Variants in IMMP2L observed in about 807,000 individuals in gnomAD.
IMMP2L encodes inner mitochondrial membrane peptidase subunit 2, also known as mitochondrial inner membrane protease subunit 2.
A neutral mutation model predicts 19.3 loss-of-function variants in IMMP2L; 18 were observed. That is an observed-to-expected ratio of 0.93 (90% CI 0.64 to 1.38). The LOEUF (loss-of-function observed/expected upper bound fraction) is 1.38. Among genes scored for constraint, IMMP2L ranks in the 40% most tolerant of loss-of-function variants. The probability of loss-of-function intolerance (pLI) is 0.00; values close to 1 mark genes in which losing one functional copy is unlikely to be tolerated. For synonymous variants in IMMP2L, 76 were observed against 73.0 expected (o/e 1.04, Z -0.21); for missense variants, 233 against 218.2 (o/e 1.07, Z -0.43).
chr7:111,469,546 GCT>G (rs1272516322), intron 3 of IMMP2L, among the ~76,000 whole-genome samples: 1 of 151,866 alleles, frequency 6.6e-6, no homozygotes, highest in African/African-American at 2.4e-5. Context: ...TCATGATTTG[GCT>G]CTCTGTTTGT....
intron 1 of IMMP2L, among the ~76,000 whole-genome samples, chr7:111,552,773 G>A (rs1412503968): frequency 6.6e-6 from 1 of 152,082 alleles, no homozygotes; most frequent in Non-Finnish European, 1.5e-5. Flanking sequence ...CTGAATCAGG[G>A]CTGGTCTGTA....
At chr7:111,458,147 G>T (rs1263235505) in intron 3 of IMMP2L, among the ~76,000 whole-genome samples, 1 of 152,190 alleles carries the variant, frequency 6.6e-6, no homozygotes, top group East Asian at 1.9e-4. Flanking sequence ...GGGAGGCTGA[G>T]GCAGGTGGGT....
intron 5 of IMMP2L, among the ~76,000 whole-genome samples, chr7:110,797,826 G>T (rs1285411162): frequency 6.6e-6 from 1 of 151,986 alleles, no homozygotes; most frequent in Non-Finnish European, 1.5e-5. Context: ...ATGAAGGATC[G>T]CAGTGCATGA....
intron 3 of IMMP2L, among the ~76,000 whole-genome samples, chr7:111,402,168 T>C (rs1833483990): frequency 7.6e-6 from 1 of 131,248 alleles, no homozygotes. Flanking sequence ...ATAATAATAA[T>C]AATATTAAGT....
At chr7:110,872,680 A>T (rs1563042674) in intron 5 of IMMP2L, among the ~76,000 whole-genome samples, 4 of 152,084 alleles carry the variant, frequency 2.6e-5, no homozygotes, top group African/African-American at 7.2e-5. Flanking sequence ...CGGGCACTTA[A>T]CTCAAGCTAG....
intron 2 of IMMP2L, among the ~76,000 whole-genome samples, chr7:111,516,723 T>C (rs1845901385): frequency 6.6e-6 from 1 of 152,096 alleles, no homozygotes; most frequent in Admixed American, 6.6e-5. Flanking sequence ...GTTACAGAAC[T>C]ATGTAAAAAC....
At chr7:111,225,295 T>C (rs183905310) in intron 3 of IMMP2L, among the ~76,000 whole-genome samples, 177 of 152,236 alleles carry the variant, frequency 1.2e-3, no homozygotes, top group Non-Finnish European at 2.3e-3. Flanking sequence ...TAAGAAAGCC[T>C]TATATTGCCA....
chr7:111,277,441 T>C (rs1050601666), intron 3 of IMMP2L, among the ~76,000 whole-genome samples: 2 of 151,844 alleles, frequency 1.3e-5, no homozygotes, highest in Admixed American at 1.3e-4. Flanking sequence ...CTAAAAACAC[T>C]GTAATTCTGG....
intron 4 of IMMP2L, chr7:110,963,233 T>C: frequency 1.5e-6 from 1 of 650,464 alleles, no homozygotes; most frequent in African/African-American, 1.8e-5. Flanking sequence ...TCAATAATGA[T>C]TTAATGATCA....
At chr7:111,501,525 A>G (rs1201093330) in intron 2 of IMMP2L, among the ~76,000 whole-genome samples, 1 of 152,198 alleles carries the variant, frequency 6.6e-6, no homozygotes. Context: ...TAACTGTCAC[A>G]TTCACCAAAG....
chr7:111,397,469 A>G (rs1031134282), intron 3 of IMMP2L, among the ~76,000 whole-genome samples: 1 of 152,130 alleles, frequency 6.6e-6, no homozygotes, highest in African/African-American at 2.4e-5. Context: ...AAATTCTAAA[A>G]GTTGAAAGTA....
chr7:111,180,216 C>T (rs906059258), intron 3 of IMMP2L, among the ~76,000 whole-genome samples: 8 of 152,160 alleles, frequency 5.3e-5, no homozygotes, highest in African/African-American at 1.9e-4. Flanking sequence ...CAATTTTTTA[C>T]ATGCTTTCCT....
chr7:110,997,739 C>A (rs561633981), intron 3 of IMMP2L, among the ~76,000 whole-genome samples: 1 of 151,928 alleles, frequency 6.6e-6, no homozygotes, highest in East Asian at 1.9e-4. Context: ...TTTGAGAGTT[C>A]TTCATATATT....
chr7:111,243,333 G>A (rs1326272027), intron 3 of IMMP2L, among the ~76,000 whole-genome samples: 1 of 151,866 alleles, frequency 6.6e-6, no homozygotes, highest in Non-Finnish European at 1.5e-5. Flanking sequence ...ACATAACTGA[G>A]GCATGTTGAC....
At chr7:110,737,915 G>C (rs1006343085) in intron 5 of IMMP2L, among the ~76,000 whole-genome samples, 4 of 152,112 alleles carry the variant, frequency 2.6e-5, no homozygotes, top group Non-Finnish European at 5.9e-5. Flanking sequence ...TACCAGCCTG[G>C]AACCTGGTAG....
At chr7:110,850,426 G>T (rs146691823) in intron 5 of IMMP2L, among the ~76,000 whole-genome samples, 9 of 152,154 alleles carry the variant, frequency 5.9e-5, no homozygotes, top group Non-Finnish European at 8.8e-5. Context: ...CTCTCAATTT[G>T]CATTGACCTG....
intron 3 of IMMP2L, among the ~76,000 whole-genome samples, chr7:111,410,001 G>A (rs1186629354): frequency 6.6e-6 from 1 of 151,738 alleles, no homozygotes. Context: ...TGAAGACACT[G>A]GGATGGCTGG....
intron 3 of IMMP2L, among the ~76,000 whole-genome samples, chr7:111,210,726 C>A (rs1202805155): frequency 1.3e-5 from 2 of 151,996 alleles, no homozygotes; most frequent in Non-Finnish European, 2.9e-5. Context: ...AAAAACTGCT[C>A]TTAATACCAT....
intron 3 of IMMP2L, among the ~76,000 whole-genome samples, chr7:111,363,850 T>G (rs917850213): frequency 3.3e-5 from 5 of 152,110 alleles, no homozygotes; most frequent in African/African-American, 7.2e-5. Flanking sequence ...TTTAGCTCCC[T>G]GTACACACCA....
Sources: gnomAD v4.1 joint callset for allele counts (sites outside exome capture counted in the v4.1 genomes callset) on GRCh38, gnomAD v4.1.1 for gene constraint, MANE v1.5 for transcripts, NCBI Gene and HGNC (gene_info 2026-07-23, HGNC 2026-07-21) for gene names.